Variants in JAZF1 observed in about 807,000 individuals in gnomAD.
The protein encoded by JAZF1 is JAZF zinc finger 1.
Under a neutral mutation model 26.4 loss-of-function variants are expected in JAZF1, and 8 were observed. That is an observed-to-expected ratio of 0.30 (90% CI 0.18 to 0.55). The LOEUF is 0.55. Ranked by LOEUF, JAZF1 falls within the 20% of genes least tolerant of loss-of-function variation. The pLI is 0.94. For missense variants in JAZF1, 199 were observed against 322.0 expected, an observed-to-expected ratio of 0.62 and a Z score of 2.92; for synonymous variants, 126 against 122.3, an observed-to-expected ratio of 1.03 and a Z score of -0.20.
In JAZF1 at chr7:27,862,420, A is replaced by G. The variant is rs1481460749; in HGVS notation, c.386-21553T>C. On this transcript the variant is annotated intron_variant, in intron 3 of 4. Coordinates refer to ENST00000283928, the MANE Select transcript of JAZF1 (RefSeq NM_175061.4). ...CCGTCTTTATGTCCATGAGTACCCA[A>G]TGAACATAAAGCTTTACTGAGGTAT... Among the ~76,000 whole-genome samples, 9 of 152,086 alleles carry G rather than the reference A, an allele frequency of 5.9e-5. 1 individual carries two copies. Among genetic ancestry groups the G allele is most frequent in the Admixed American group, 5.9e-4 (9 of 15,268 alleles).
chr7:27,861,179 G>A (rs1269080697), intron 3 of JAZF1, among the ~76,000 whole-genome samples: 2 of 152,146 alleles, frequency 1.3e-5, no homozygotes, highest in Admixed American at 1.3e-4. Flanking sequence ...ATTCTCAGAT[G>A]TGTCCTCCTC....
chr7:28,009,765 G>C (rs925287305), intron 1 of JAZF1, among the ~76,000 whole-genome samples: 6 of 152,136 alleles, frequency 3.9e-5, no homozygotes, highest in African/African-American at 1.4e-4. Context: ...TCACAGGCGT[G>C]AGCCACCACA....
At chr7:28,114,981 T>C (rs748671092) in intron 1 of JAZF1, among the ~76,000 whole-genome samples, 47 of 152,122 alleles carry the variant, frequency 3.1e-4, no homozygotes, top group Non-Finnish European at 5.4e-4. Context: ...GCAGCGTTTG[T>C]ATGTGCAGGG....
intron 3 of JAZF1, among the ~76,000 whole-genome samples, chr7:27,871,653 T>C (rs1396581373): frequency 6.6e-6 from 1 of 152,210 alleles, no homozygotes; most frequent in African/African-American, 2.4e-5. Context: ...AGGGGCAAAA[T>C]TTTCAAGTTT....
At chr7:28,128,663 G>C (rs1480637280) in intron 1 of JAZF1, among the ~76,000 whole-genome samples, 2 of 152,118 alleles carry the variant, frequency 1.3e-5, no homozygotes, top group African/African-American at 4.8e-5. Context: ...AACATTCCAG[G>C]CCAATTCAGC....
chr7:28,176,115 A>G (rs1445213890), intron 1 of JAZF1, among the ~76,000 whole-genome samples: 1 of 152,246 alleles, frequency 6.6e-6, no homozygotes, highest in Non-Finnish European at 1.5e-5. Context: ...TAACAAGTAG[A>G]GACTCACAAC....
Position 28,180,631 on chromosome 7 carries a change from A to T in JAZF1, c.-54T>A. ...CGGCTCTGCGAGCGCCGGGCGGGCG[A>T]GGGAGGGAGGGAGGCCGGGTGGGGT... On this transcript the variant is annotated 5_prime_UTR_variant, in exon 1 of 5. Transcript: ENST00000283928. 1.4e-5 allele frequency: 9 copies of T among 634,966 alleles called. No homozygotes were observed. Among genetic ancestry groups the T allele is most frequent in the African/African-American group, 2.7e-5 (1 of 36,672 alleles). 39.3% of individuals were successfully genotyped at this position (634,966 alleles called of 1,614,324 possible).
rs373135240 is a variant in JAZF1 at position 28,099,152 on chromosome 7, C to T, written c.115+81311G>A. 2.6e-5 allele frequency among the ~76,000 whole-genome samples: 4 copies of T among 152,198 alleles called. No individual in the cohort carries two copies. In the East Asian group the frequency reaches 7.7e-4, roughly 29 times the overall value. On this transcript the variant is annotated intron_variant, in intron 1 of 4. Transcript: ENST00000283928. Reference sequence around the variant, plus strand: ...ATTTGTAGTATGGAATGGAAACCTTCCTCTTCATTTCAAAGAGGATAGTGT... The same window carrying T: ...ATTTGTAGTATGGAATGGAAACCTTTCTCTTCATTTCAAAGAGGATAGTGT...
At chr7:27,965,664 T>C (rs1301103499) in intron 2 of JAZF1, among the ~76,000 whole-genome samples, 2 of 152,214 alleles carry the variant, frequency 1.3e-5, no homozygotes, top group Admixed American at 6.5e-5. Context: ...GAAAGATCCT[T>C]GTATTTTATA....
chr7:27,928,917 A>G (rs1784640239), intron 2 of JAZF1, among the ~76,000 whole-genome samples: 1 of 152,230 alleles, frequency 6.6e-6, no homozygotes, highest in African/African-American at 2.4e-5. Flanking sequence ...AAATCTGCAT[A>G]TGTACATATG....
chr7:27,975,460 C>T (rs940790694), intron 2 of JAZF1, among the ~76,000 whole-genome samples: 2 of 152,102 alleles, frequency 1.3e-5, no homozygotes, highest in Non-Finnish European at 2.9e-5. Context: ...TATCACATGT[C>T]AAGGAAGGAC....
At chr7:27,923,881 G>T (rs1220673027) in intron 2 of JAZF1, among the ~76,000 whole-genome samples, 2 of 152,218 alleles carry the variant, frequency 1.3e-5, no homozygotes, top group African/African-American at 4.8e-5. Flanking sequence ...ATCTGGCAGG[G>T]ATGGGCTTGT....
At position 27,849,806 on chromosome 7, in the gene JAZF1, C is replaced by T. The variant is rs962240695; in HGVS notation, c.386-8939G>A. On this transcript the variant is annotated intron_variant, in intron 3 of 4. Coordinates refer to ENST00000283928, the MANE Select transcript of JAZF1 (RefSeq NM_175061.4). Reference sequence around the variant, plus strand: ...ACCTCTTCCCGGCCGCCCACCTACACGGAGCCCACATCGCCATCCAGGGGC... The same window carrying T: ...ACCTCTTCCCGGCCGCCCACCTACATGGAGCCCACATCGCCATCCAGGGGC... Among the ~76,000 whole-genome samples, 20 of 127,410 alleles carry T rather than the reference C, an allele frequency of 1.6e-4. 1 individual carries two copies. Among genetic ancestry groups the T allele is most frequent in the Non-Finnish European group, 3.5e-4 (20 of 56,508 alleles). The allele number at this position is 127,410 out of a possible 152,430, so 83.6% of individuals were successfully genotyped here.
At chr7:27,835,019 A>T (rs2128330023) in intron 4 of JAZF1, among the ~76,000 whole-genome samples, 1 of 152,336 alleles carries the variant, frequency 6.6e-6, no homozygotes, top group South Asian at 2.1e-4. Flanking sequence ...TCCCATGTAT[A>T]GCTCAACGAA....
At chr7:28,092,892 A>G (rs1784325792) in intron 1 of JAZF1, among the ~76,000 whole-genome samples, 1 of 152,100 alleles carries the variant, frequency 6.6e-6, no homozygotes, top group Non-Finnish European at 1.5e-5. Context: ...AAAGAAAAAA[A>G]GGAAATTTTT....
chr7:28,046,124 A>G (rs867858601), intron 1 of JAZF1, among the ~76,000 whole-genome samples: 1 of 152,178 alleles, frequency 6.6e-6, no homozygotes, highest in African/African-American at 2.4e-5. Flanking sequence ...TTATATTTGT[A>G]TCTGTTTCTT....
intron 3 of JAZF1, among the ~76,000 whole-genome samples, chr7:27,889,828 G>A (rs924526815): frequency 2.6e-5 from 4 of 152,056 alleles, no homozygotes; most frequent in African/African-American, 9.7e-5. Context: ...AGCTACTTGG[G>A]AGGCAGAGGT....
chr7:27,923,087 C>A (rs1784558295), intron 2 of JAZF1, among the ~76,000 whole-genome samples: 1 of 152,192 alleles, frequency 6.6e-6, no homozygotes, highest in East Asian at 1.9e-4. Flanking sequence ...TCCAGATGAG[C>A]CTCAGCAGCT....
In JAZF1 at chr7:28,083,102, C is replaced by T. The variant is rs867846999; in HGVS notation, c.116-91121G>A. ...CCAAATCCCCTCTACCTGGCTGGGG[C>T]CATTGCCTTCCAGCTTTTTGGCTTC... On this transcript the variant is annotated intron_variant, in intron 1 of 4. Transcript: ENST00000283928. Among the ~76,000 whole-genome samples, 2 of 152,184 alleles carry T rather than the reference C, an allele frequency of 1.3e-5. 1 individual carries two copies.
Sources: gnomAD v4.1 joint callset for allele counts (sites outside exome capture counted in the v4.1 genomes callset) on GRCh38, gnomAD v4.1.1 for gene constraint, MANE v1.5 for transcripts, NCBI Gene and HGNC (gene_info 2026-07-23, HGNC 2026-07-21) for gene names.